Variants in TYW1 observed in about 807,000 individuals in gnomAD.
TYW1 encodes the protein S-adenosyl-L-methionine-dependent tRNA 4-demethylwyosine synthase TYW1.
A neutral mutation model predicts 96.2 loss-of-function variants in TYW1; 46 were observed. That is an observed-to-expected ratio of 0.48 (90% CI 0.38 to 0.61). The LOEUF (loss-of-function observed/expected upper bound fraction) is 0.61. Ranked by LOEUF, TYW1 falls within the 20% of genes least tolerant of loss-of-function variation. The pLI is 0.00. For synonymous variants in TYW1, 274 were observed against 323.0 expected (o/e 0.85, Z 1.63); for missense variants, 684 against 909.6 (o/e 0.75, Z 3.19).
At chr7:67,109,666 A>T (rs563313758) in intron 12 of TYW1, among the ~76,000 whole-genome samples, 1 of 152,244 alleles carries the variant, frequency 6.6e-6, no homozygotes, top group South Asian at 2.1e-4. Flanking sequence ...GGATCATTTG[A>T]GGTCAGGAGT....
intron 15 of TYW1, among the ~76,000 whole-genome samples, chr7:67,221,861 CTT>C (rs58609089): frequency 4.2e-5 from 6 of 144,334 alleles, no homozygotes; most frequent in Non-Finnish European, 3.0e-5. Flanking sequence ...TAATACTTGT[CTT>C]TTTTTTTTTT....
intron 5 of TYW1, among the ~76,000 whole-genome samples, chr7:67,016,488 A>C (rs1794027063): frequency 6.6e-6 from 1 of 152,050 alleles, no homozygotes; most frequent in Non-Finnish European, 1.5e-5. Context: ...TAGAGTTTGC[A>C]GTGAGCCGAG....
chr7:67,030,741 G>A (rs1436910030), intron 7 of TYW1, among the ~76,000 whole-genome samples: 2 of 151,956 alleles, frequency 1.3e-5, no homozygotes, highest in African/African-American at 4.8e-5. Context: ...GGTAACAGAT[G>A]AGCCCTGGGA....
rs1491143794 is a variant in TYW1 at position 67,166,332 on chromosome 7, A to ATATATATAATATATAATATATATT, written c.1699-16794_1699-16793insTATATATAATATATAATATATATT. Among the ~76,000 whole-genome samples, 336 of 108,476 alleles carry ATATATATAATATATAATATATATT rather than the reference A, an allele frequency of 3.1e-3. 9 individuals are homozygous for ATATATATAATATATAATATATATT. The highest frequency in any genetic ancestry group is 9.7e-3 in the Middle Eastern group (2 of 206). 71.2% of individuals were successfully genotyped at this position (108,476 alleles called of 152,430 possible). ...TTTATATATAATATATAACATATAT[A>ATATATATAATATATAATATATATT]ATATATATAATATATAATTATATAT... is the stretch of plus-strand genomic sequence containing the variant. On this transcript the variant is annotated intron_variant, in intron 13 of 15. Coordinates refer to ENST00000359626, the MANE Select transcript of TYW1 (RefSeq NM_018264.4).
chr7:67,066,202 C>A (rs1336292131), intron 9 of TYW1, among the ~76,000 whole-genome samples: 1 of 152,110 alleles, frequency 6.6e-6, no homozygotes, highest in East Asian at 1.9e-4. Flanking sequence ...ACATTGATTT[C>A]ACTTCTTTAG....
chr7:67,234,955 T>TAA (rs3070651), intron 15 of TYW1, among the ~76,000 whole-genome samples: 17 of 146,770 alleles, frequency 1.2e-4, no homozygotes, highest in South Asian at 6.5e-4. Context: ...GTAGGTATGG[T>TAA]AAAAAAAAAA....
intron 13 of TYW1, among the ~76,000 whole-genome samples, chr7:67,122,261 T>G (rs1797782370): frequency 6.6e-6 from 1 of 152,182 alleles, no homozygotes; most frequent in Non-Finnish European, 1.5e-5. Flanking sequence ...GCCCTCTCTC[T>G]ACAGATGTTA....
chr7:67,227,878 G>A (rs779699734), intron 15 of TYW1, among the ~76,000 whole-genome samples: 19 of 152,156 alleles, frequency 1.2e-4, no homozygotes, highest in Non-Finnish European at 1.8e-4. Flanking sequence ...CTGTTCCCTC[G>A]GTTAGCGTTA....
intron 15 of TYW1, among the ~76,000 whole-genome samples, chr7:67,220,329 G>A (rs751071179): frequency 4.1e-5 from 6 of 147,950 alleles, no homozygotes; most frequent in East Asian, 2.0e-4. Flanking sequence ...TCAGCCTCCC[G>A]AGTAGCTGGG....
At chr7:67,108,575 G>T (rs1797308189) in intron 12 of TYW1, among the ~76,000 whole-genome samples, 1 of 151,654 alleles carries the variant, frequency 6.6e-6, no homozygotes, top group African/African-American at 2.4e-5. Context: ...CCCAGTAGCT[G>T]GGAATACCGG....
At chr7:67,090,357 A>G (rs1796675468) in intron 11 of TYW1, among the ~76,000 whole-genome samples, 1 of 152,194 alleles carries the variant, frequency 6.6e-6, no homozygotes, top group African/African-American at 2.4e-5. Context: ...TTTATTTCTG[A>G]TCGGCCCAAA....
At chr7:67,084,936 G>A (rs1796501341) in intron 11 of TYW1, among the ~76,000 whole-genome samples, 3 of 152,156 alleles carry the variant, frequency 2.0e-5, no homozygotes, top group African/African-American at 7.2e-5. Context: ...ATTGGAATTT[G>A]TTAGGTTCCC....
rs1184518320 is a variant in TYW1, at chr7:66,998,013, A to G, written c.5-52A>G. Reference sequence around the variant, plus strand: ...TTTTCTTCTTAAAATTGGGATGGATATCTTTGTATATGTAGCTTTAAATGA... The same window carrying G: ...TTTTCTTCTTAAAATTGGGATGGATGTCTTTGTATATGTAGCTTTAAATGA... On this transcript the variant is annotated intron_variant, in intron 1 of 15. Coordinates refer to ENST00000359626, the MANE Select transcript of TYW1 (RefSeq NM_018264.4). 5.3e-6 allele frequency: 8 copies of G among 1,509,474 alleles called. No homozygotes were observed. The East Asian group carries it at 1.7e-4, about 32-fold the overall frequency. The allele number at this position is 1,509,474 out of a possible 1,614,324, so 93.5% of individuals were successfully genotyped here.
chr7:67,043,359 CTTTT>C (rs35321806), intron 7 of TYW1, among the ~76,000 whole-genome samples: 5 of 143,016 alleles, frequency 3.5e-5, no homozygotes, highest in Non-Finnish European at 4.5e-5. Flanking sequence ...CCCATTGCTA[CTTTT>C]TTTTTTTTTT....
chr7:67,124,672 A>T (rs1389792081), intron 13 of TYW1, among the ~76,000 whole-genome samples: 2 of 152,154 alleles, frequency 1.3e-5, no homozygotes, highest in East Asian at 3.8e-4. Flanking sequence ...ACGATTGTTT[A>T]TGCCTTTGTG....
At chr7:67,230,756 A>G (rs1009319743) in intron 15 of TYW1, among the ~76,000 whole-genome samples, 1 of 146,938 alleles carries the variant, frequency 6.8e-6, no homozygotes, top group Admixed American at 6.9e-5. Context: ...GGGTTCAACC[A>G]ATTCTCCTGC....
At chr7:67,067,990 T>C (rs1218355722) in intron 10 of TYW1, among the ~76,000 whole-genome samples, 3 of 152,048 alleles carry the variant, frequency 2.0e-5, no homozygotes, top group African/African-American at 7.2e-5. Context: ...TTGGGGGCAG[T>C]GGTGCTTGCT....
intron 14 of TYW1, among the ~76,000 whole-genome samples, chr7:67,191,232 G>T (rs1319089278): frequency 6.6e-6 from 1 of 152,176 alleles, no homozygotes; most frequent in Non-Finnish European, 1.5e-5. Context: ...CAACACTGGG[G>T]ATCACATTTC....
At chr7:67,200,084 G>A (rs1800541435) in intron 15 of TYW1, among the ~76,000 whole-genome samples, 1 of 152,220 alleles carries the variant, frequency 6.6e-6, no homozygotes, top group Admixed American at 6.5e-5. Context: ...TCGCGGTTTA[G>A]TGGGGAAAAT....
Sources: gnomAD v4.1 joint callset for allele counts (sites outside exome capture counted in the v4.1 genomes callset) on GRCh38, gnomAD v4.1.1 for gene constraint, MANE v1.5 for transcripts, NCBI Gene and HGNC (gene_info 2026-07-23, HGNC 2026-07-21) for gene names.